The following PCDHA1 variants were observed in gnomAD, a reference collection of about 807,000 sequenced individuals.
PCDHA1 encodes protocadherin alpha-1.
PCDHA1 carries 42 observed loss-of-function variants against 61.3 expected under a neutral mutation model. The observed-to-expected ratio is 0.69, with a 90% CI of 0.54 to 0.89. The LOEUF (loss-of-function observed/expected upper bound fraction) is 0.89, where lower values mean the gene tolerates loss of function less well. Among genes scored for constraint, PCDHA1 ranks in the 40% least tolerant of loss-of-function variants. The probability of loss-of-function intolerance (pLI) is 0.00; values close to 1 mark genes in which losing one functional copy is unlikely to be tolerated. For synonymous variants in PCDHA1, 610 were observed against 553.8 expected (o/e 1.10, Z -1.43); for missense variants, 1,256 against 1,235.3 (o/e 1.02, Z -0.25).
intron 3 of PCDHA1, among the ~76,000 whole-genome samples, chr5:140,999,225 G>C (rs543011633): frequency 1.3e-5 from 2 of 152,222 alleles, no homozygotes; most frequent in Non-Finnish European, 2.9e-5. Context: ...CTACATTTGA[G>C]AATAGGTGGT....
At chr5:140,850,217 C>A (rs2150473800) in intron 1 of PCDHA1, 2 of 1,593,480 alleles carry the variant, frequency 1.3e-6, no homozygotes, top group African/African-American at 1.3e-5. Context: ...GGGGCACTGA[C>A]GGCGCAGTGA....
chr5:140,928,902 C>T, intron 1 of PCDHA1: 1 of 1,614,164 alleles, frequency 6.2e-7, no homozygotes, highest in Non-Finnish European at 8.5e-7. Flanking sequence ...TTGAAGATGT[C>T]TGGGAACCAG....
intron 1 of PCDHA1, among the ~76,000 whole-genome samples, chr5:140,931,396 G>A (rs1554208395): frequency 1.3e-5 from 2 of 152,118 alleles, no homozygotes; most frequent in Non-Finnish European, 2.9e-5. Context: ...ATAAGTAAGC[G>A]ATAGGAAGGC....
At chr5:140,895,868 A>G (rs555320203) in intron 1 of PCDHA1, among the ~76,000 whole-genome samples, 5 of 152,228 alleles carry the variant, frequency 3.3e-5, no homozygotes, top group Admixed American at 6.5e-5. Flanking sequence ...CTGGAGTGCA[A>G]TGGCGCGATC....
intron 1 of PCDHA1, chr5:140,967,037 G>C (rs1429896772): frequency 2.5e-6 from 4 of 1,611,378 alleles, no homozygotes; most frequent in South Asian, 1.1e-5. Flanking sequence ...GCGCTACCTG[G>C]AGCTGGACCT....
At chr5:140,807,997 C>G in intron 1 of PCDHA1, 1 of 1,613,450 alleles carries the variant, frequency 6.2e-7, no homozygotes, top group Non-Finnish European at 8.5e-7. Context: ...CAGATTTAGA[C>G]GAAGGATTGA....
chr5:140,836,101 C>T, intron 1 of PCDHA1: 17 of 1,613,712 alleles, frequency 1.1e-5, no homozygotes, highest in Non-Finnish European at 1.4e-5. Context: ...GTGGGTGGCA[C>T]TGGTGGCGCA....
rs187442653 is a variant in PCDHA1 at position 140,926,080 on chromosome 5, C to T, written c.2395-52869C>T. ...TCCCCTCCTTGTCGTCTCTATTGCC[C>T]TCTTGGCAGCTCCTGGGATACAAGA... On this transcript the variant is annotated intron_variant, in intron 1 of 3. Transcript: ENST00000504120. Among the ~76,000 whole-genome samples, 179 of 152,334 alleles carry T rather than the reference C, an allele frequency of 1.2e-3. 1 individual carries two copies. Among genetic ancestry groups the T allele is most frequent in the African/African-American group, 3.9e-3 (162 of 41,574 alleles).
chr5:140,927,204 G>A, intron 1 of PCDHA1: 1 of 1,614,112 alleles, frequency 6.2e-7, no homozygotes, highest in Non-Finnish European at 8.5e-7. Context: ...TCGAGGACCC[G>A]CTGGAGCTGC....
chr5:140,801,341 C>G (rs782016888), intron 1 of PCDHA1: 15 of 1,613,300 alleles, frequency 9.3e-6, no homozygotes, highest in Non-Finnish European at 1.2e-5. Context: ...TGGGCCGCAT[C>G]GCGCAGGACC....
At chr5:140,891,285 G>T (rs1402021884) in intron 1 of PCDHA1, among the ~76,000 whole-genome samples, 1 of 152,102 alleles carries the variant, frequency 6.6e-6, no homozygotes, top group South Asian at 2.1e-4. Flanking sequence ...GTTATTGGGG[G>T]TACAGGTGGT....
At chr5:140,912,312 T>C (rs2075860793) in intron 1 of PCDHA1, among the ~76,000 whole-genome samples, 1 of 151,960 alleles carries the variant, frequency 6.6e-6, no homozygotes, top group African/African-American at 2.4e-5. Flanking sequence ...TCCAGTCAAG[T>C]TGACCCTCAG....
intron 1 of PCDHA1, chr5:140,882,248 CTG>C (rs1554173227): frequency 1.3e-6 from 2 of 1,594,792 alleles, no homozygotes; most frequent in Non-Finnish European, 1.7e-6. Context: ...GCAGATAGCT[CTG>C]AGGTTTTTGG....
intron 1 of PCDHA1, among the ~76,000 whole-genome samples, chr5:140,901,078 T>TAAA (rs1554189579): frequency 6.6e-6 from 1 of 152,120 alleles, no homozygotes; most frequent in East Asian, 1.9e-4. Flanking sequence ...TTCTATAGAG[T>TAAA]TGTTTGAGCT....
rs199732688 is a variant in PCDHA1 at position 140,787,814 on chromosome 5, G to T, written c.1524G>T (p.Val508=). ...GCGAGCGCGCGCTGTCGAACTACGTGTCAGTGCACGCGGAGAGCGGCAAGG... is the reference window on the plus strand; with the variant it reads ...GCGAGCGCGCGCTGTCGAACTACGTTTCAGTGCACGCGGAGAGCGGCAAGG... ...RVGERALSNY[V]SVHAESGKVY... is the part of the protein sequence containing the mutation. The change falls in exon 1 of 4, where the codon GTG becomes GTT. Residue 508 remains valine, a synonymous_variant. Coordinates refer to ENST00000504120, the MANE Select transcript of PCDHA1 (RefSeq NM_018900.4). 71 of 1,612,522 alleles carry T rather than the reference G, an allele frequency of 4.4e-5. No homozygotes were observed. The highest frequency in any genetic ancestry group is 3.9e-4 in the Middle Eastern group (2 of 5,146).
intron 1 of PCDHA1, chr5:140,809,071 T>C: frequency 6.2e-7 from 1 of 1,613,898 alleles, no homozygotes; most frequent in Non-Finnish European, 8.5e-7. Flanking sequence ...GGCTGTACAC[T>C]GGCGAGATCA....
At chr5:140,805,445 G>T (rs1183156035) in intron 1 of PCDHA1, 1 of 1,036,070 alleles carries the variant, frequency 9.7e-7, no homozygotes, top group African/African-American at 1.7e-5. Context: ...TTTTGTGTGT[G>T]TGTGTTTGTG....
chr5:140,828,408 T>C, intron 1 of PCDHA1: 3 of 1,614,250 alleles, frequency 1.9e-6, no homozygotes, highest in Non-Finnish European at 2.5e-6. Context: ...AGCATCCACC[T>C]GGAGGTGATC....
chr5:140,822,466 G>T (rs1554128658), intron 1 of PCDHA1: 1 of 1,613,560 alleles, frequency 6.2e-7, no homozygotes, highest in African/African-American at 1.3e-5. Flanking sequence ...GTTGATCAAT[G>T]TATTGGATGC....
Sources: gnomAD v4.1 joint callset for allele counts (sites outside exome capture counted in the v4.1 genomes callset) on GRCh38, gnomAD v4.1.1 for gene constraint, MANE v1.5 for transcripts, NCBI Gene and HGNC (gene_info 2026-07-23, HGNC 2026-07-21) for gene names.